The following LAMC1 variants were observed in gnomAD, a reference collection of about 807,000 sequenced individuals.
LAMC1 encodes the protein laminin subunit gamma 1, also known as laminin subunit gamma-1.
Under a neutral mutation model 173.6 loss-of-function variants are expected in LAMC1, and 38 were observed. The ratio of observed to expected loss-of-function variants is 0.22; its 90% CI spans 0.17 to 0.29. The LOEUF (loss-of-function observed/expected upper bound fraction) is 0.29, where lower values mean the gene tolerates loss of function less well. LAMC1 is among the 10% of genes least tolerant of loss of function. The pLI, the probability that LAMC1 is intolerant of heterozygous loss-of-function variation, is 1.00. For missense variants in LAMC1, 1,824 were observed against 2,051.8 expected, an observed-to-expected ratio of 0.89 and a Z score of 2.14; for synonymous variants, 746 against 749.1, an observed-to-expected ratio of 1.00 and a Z score of 0.07.
Position 183,024,020 on chromosome 1 carries a change from G to C in LAMC1, c.304G>C (p.Gly102Arg). ...CGCCGGGCAGCCCCACCTGCAGCAC[G>C]GGGCAGCCTTCCTGACCGACTACAA... ...CDAGQPHLQH[G>R]AAFLTDYNNQ... Residue 102 changes from glycine to arginine, a missense_variant, in exon 1 of 28, where the codon GGG (glycine) becomes CGG (arginine). Transcript: ENST00000258341. The C allele has an allele frequency of 2.5e-6, 4 of 1,613,052 alleles. No individual in the cohort carries two copies. The highest frequency in any genetic ancestry group is 3.4e-6 in the Non-Finnish European group (4 of 1,179,870).
At chr1:183,034,097 A>T (rs1019659412) in intron 1 of LAMC1, among the ~76,000 whole-genome samples, 2 of 152,212 alleles carry the variant, frequency 1.3e-5, no homozygotes, top group Non-Finnish European at 2.9e-5. Flanking sequence ...TAATTAGTGG[A>T]CAAAGGACTT....
intron 1 of LAMC1, among the ~76,000 whole-genome samples, chr1:183,056,134 T>C (rs540905056): frequency 7.0e-4 from 107 of 152,356 alleles, no homozygotes; most frequent in African/African-American, 2.4e-3. Flanking sequence ...GGTTAGAGCA[T>C]GGGCTGTGGA....
rs2296296 is a variant in LAMC1 at position 183,136,264 on chromosome 1, C to G, written c.4115-122C>G. 415,767 of 761,518 alleles carry G rather than the reference C, an allele frequency of 0.55. 114,867 individuals carry two copies. The highest frequency in any genetic ancestry group is 0.64 in the Admixed American group (26,605 of 41,294). 47.2% of individuals were successfully genotyped at this position (761,518 alleles called of 1,614,324 possible). On this transcript the variant is annotated intron_variant, in intron 24 of 27. Transcript: ENST00000258341. ...AATTTCTAAAATTTCAGCCCATGCT[C>G]TCTTCCATTTTTTACCCTGACTTCC...
chr1:183,142,951 C>G lies in LAMC1; in HGVS notation c.*161C>G. On this transcript the variant is annotated 3_prime_UTR_variant, in exon 28 of 28. Coordinates refer to ENST00000258341, the MANE Select transcript of LAMC1 (RefSeq NM_002293.4). ...AAAAGTCACAGAGTTTAAAGAGAAG[C>G]AAATTAAACATCCTGAATCGGGAAC... The G allele has an allele frequency of 1.5e-6, 1 of 683,272 alleles. No homozygotes were observed. Among genetic ancestry groups the G allele is most frequent in the Non-Finnish European group, 2.4e-6 (1 of 417,656 alleles). The allele number at this position is 683,272 out of a possible 1,614,324, so 42.3% of individuals were successfully genotyped here.
intron 1 of LAMC1, among the ~76,000 whole-genome samples, chr1:183,053,211 A>G (rs1459767787): frequency 2.0e-5 from 3 of 152,250 alleles, no homozygotes; most frequent in Non-Finnish European, 2.9e-5. Flanking sequence ...TTCCGTGTCC[A>G]TATTTAATAG....
intron 14 of LAMC1, chr1:183,125,113 T>C: frequency 1.7e-6 from 1 of 592,952 alleles, no homozygotes; most frequent in South Asian, 2.2e-5. Flanking sequence ...TAATGTATTT[T>C]ATTTAATATA....
intron 1 of LAMC1, among the ~76,000 whole-genome samples, chr1:183,081,425 C>T (rs563047517): frequency 2.6e-5 from 4 of 151,638 alleles, no homozygotes. Context: ...TGGTGAAACC[C>T]CATCTCTACT....
At chr1:183,106,388 G>A (rs144738624) in intron 2 of LAMC1, among the ~76,000 whole-genome samples, 168 of 152,340 alleles carry the variant, frequency 1.1e-3, no homozygotes, top group African/African-American at 3.9e-3. Flanking sequence ...GTTTGGATAT[G>A]GTGAAATCGT....
rs1265582576 is a variant in LAMC1, at chr1:183,143,335, T to A, written c.*545T>A. On this transcript the variant is annotated 3_prime_UTR_variant, in exon 28 of 28. Transcript: ENST00000258341. ...ATCCTGTGCCAAAGGTATTGGTCAT[T>A]TAGAATGTCGGTAGCCATCCATCAG... is the stretch of plus-strand genomic sequence containing the variant. 6.5e-6 allele frequency: 1 copy of A among 154,760 alleles called. No homozygotes were observed. Among genetic ancestry groups the A allele is most frequent in the Admixed American group, 6.3e-5 (1 of 15,808 alleles). The allele number at this position is 154,760 out of a possible 1,614,324, so 9.6% of individuals were successfully genotyped here. A position where few individuals can be genotyped will look rare whatever the true frequency, so the allele number is the denominator to read the frequency against.
intron 25 of LAMC1, among the ~76,000 whole-genome samples, chr1:183,136,870 C>G (rs1048637922): frequency 2.6e-5 from 4 of 152,166 alleles, no homozygotes; most frequent in Admixed American, 2.0e-4. Flanking sequence ...CACAAAAAAT[C>G]AGACTTTTTC....
Position 183,121,588 on chromosome 1 carries a change from G to A in LAMC1, c.1991-135G>A, listed in dbSNP as rs1656475451. 9.1e-6 allele frequency: 6 copies of A among 659,932 alleles called. No individual in the cohort carries two copies. The South Asian group carries it at 1.2e-4, about 13-fold the overall frequency. 40.9% of individuals were successfully genotyped at this position (659,932 alleles called of 1,614,324 possible). A position where few individuals can be genotyped will look rare whatever the true frequency, so the allele number is the denominator to read the frequency against. ...TGTAGACGTGGATATCTCGTTTAGT[G>A]TATCAGAGCCCAGTTAAGCAAATGG... On this transcript the variant is annotated intron_variant, in intron 11 of 27. Transcript: ENST00000258341.
chr1:183,142,820 C>CT lies in LAMC1; in HGVS notation c.*31dup. ...TTTAGGGCTGGAAGGCAGCATCCCT[C>CT]TGACAGGGGGGCAGTTGTGAGGCCA... On this transcript the variant is annotated 3_prime_UTR_variant, in exon 28 of 28. Coordinates refer to ENST00000258341, the MANE Select transcript of LAMC1 (RefSeq NM_002293.4). 1 of 1,578,014 alleles carries CT rather than the reference C, an allele frequency of 6.3e-7. No homozygotes were observed. The highest frequency in any genetic ancestry group is 8.6e-7 in the Non-Finnish European group (1 of 1,163,272).
At chr1:183,117,297 G>T in intron 8 of LAMC1, 23 bp from the exon 9 acceptor site, 1 of 1,594,324 alleles carries the variant, frequency 6.3e-7, no homozygotes, top group Admixed American at 1.7e-5. Context: ...TAAAGTGCTT[G>T]TGTTTTCCTT....
chr1:183,130,383 A>T lies in LAMC1; in HGVS notation c.3320A>T (p.Asn1107Ile). The T allele has an allele frequency of 6.2e-7, 1 of 1,614,122 alleles. No homozygotes were observed. The highest frequency in any genetic ancestry group is 8.5e-7 in the Non-Finnish European group (1 of 1,179,930). ...QNLMDRLQRV[N>I]NTLSSQISRL... ...TTGATGGATCGCCTACAGAGAGTGA[A>T]TAACACTCTGTCCAGCCAAATTAGC... Residue 1107 changes from asparagine to isoleucine, a missense_variant, in exon 19 of 28, where the codon AAT (asparagine) becomes ATT (isoleucine). Physicochemically the swap from Asn to Ile is moderately radical, Grantham distance 149. Coordinates refer to ENST00000258341, the MANE Select transcript of LAMC1 (RefSeq NM_002293.4).
At position 183,069,138 on chromosome 1, in the gene LAMC1, C is replaced by T. The variant is rs1321052512; in HGVS notation, c.419-34190C>T. Among the ~76,000 whole-genome samples, 3 of 152,134 alleles carry T rather than the reference C, an allele frequency of 2.0e-5. 1 individual carries two copies. The highest frequency in any genetic ancestry group is 6.5e-5 in the Admixed American group (1 of 15,280). On this transcript the variant is annotated intron_variant, in intron 1 of 27. Coordinates refer to ENST00000258341, the MANE Select transcript of LAMC1 (RefSeq NM_002293.4). ...CCTGCTATATTGTGTATTACAACAA[C>T]ATCTGAACTCAGTGAATGGTTTTAG... is the stretch of plus-strand genomic sequence containing the variant.
chr1:183,054,588 T>A (rs1654534529), intron 1 of LAMC1, among the ~76,000 whole-genome samples: 1 of 152,236 alleles, frequency 6.6e-6, no homozygotes, highest in Admixed American at 6.5e-5. Flanking sequence ...CTTTTGACAT[T>A]TTAATGAACT....
chr1:183,102,162 G>A (rs1029810576), intron 1 of LAMC1, among the ~76,000 whole-genome samples: 2 of 152,172 alleles, frequency 1.3e-5, no homozygotes, highest in Non-Finnish European at 2.9e-5. Flanking sequence ...ATGAGGAATC[G>A]CTCCTTGTCT....
At chr1:183,123,730 T>G (rs983010553) in intron 13 of LAMC1, among the ~76,000 whole-genome samples, 4 of 152,234 alleles carry the variant, frequency 2.6e-5, no homozygotes, top group African/African-American at 9.6e-5. Context: ...TGTCTGTGTA[T>G]TGGTCTTCAC....
At chr1:183,105,224 C>CAAAAAAAAAAA (rs35512159) in intron 2 of LAMC1, among the ~76,000 whole-genome samples, 1 of 42,842 alleles carries the variant, frequency 2.3e-5, no homozygotes, top group African/African-American at 8.9e-5. Flanking sequence ...GACTCCATCT[C>CAAAAAAAAAAA]AAAAAAAAAA....
Sources: gnomAD v4.1 joint callset for allele counts (sites outside exome capture counted in the v4.1 genomes callset) on GRCh38, gnomAD v4.1.1 for gene constraint, MANE v1.5 for transcripts, NCBI Gene and HGNC (gene_info 2026-07-23, HGNC 2026-07-21) for gene names.